The following MIA2 variants were observed in gnomAD, a reference collection of about 807,000 sequenced individuals.
MIA2 encodes the protein melanoma inhibitory activity protein 2.
Under a neutral mutation model 167.8 loss-of-function variants are expected in MIA2, and 127 were observed. The ratio of observed to expected loss-of-function variants is 0.76; its 90% CI spans 0.66 to 0.88. The LOEUF (loss-of-function observed/expected upper bound fraction) is 0.88, where lower values mean the gene tolerates loss of function less well. Among genes scored for constraint, MIA2 ranks in the 40% least tolerant of loss-of-function variants. MIA2 has a pLI of 0.00. For missense variants in MIA2, 1,690 were observed against 1,624.7 expected (o/e 1.04, Z -0.69); for synonymous variants, 552 against 541.9 (o/e 1.02, Z -0.26).
At chr14:39,255,191 T>A (rs1249035540) in intron 6 of MIA2, among the ~76,000 whole-genome samples, 1 of 152,182 alleles carries the variant, frequency 6.6e-6, no homozygotes, top group Admixed American at 6.6e-5. Context: ...GTGTTGAAGA[T>A]GTTGATTATA....
chr14:39,257,973 C>A (rs1478153131), intron 6 of MIA2, among the ~76,000 whole-genome samples: 1 of 152,200 alleles, frequency 6.6e-6, no homozygotes, highest in South Asian at 2.1e-4. Context: ...TGATGGGCTT[C>A]CCTTTGTAGG....
chr14:39,242,582 C>T (rs2054099899), intron 3 of MIA2, among the ~76,000 whole-genome samples: 1 of 151,874 alleles, frequency 6.6e-6, no homozygotes, highest in African/African-American at 2.4e-5. Context: ...CTCGGCCTCC[C>T]AAAGTGCTGG....
chr14:39,376,358 T>C (rs1465828954), intron 23 of MIA2, among the ~76,000 whole-genome samples: 1 of 152,210 alleles, frequency 6.6e-6, no homozygotes, highest in African/African-American at 2.4e-5. Context: ...TGATAAATTA[T>C]TGTGTCATGC....
chr14:39,297,279 A>G (rs1055087419), intron 13 of MIA2, among the ~76,000 whole-genome samples: 1 of 151,458 alleles, frequency 6.6e-6, no homozygotes, highest in Non-Finnish European at 1.5e-5. Flanking sequence ...TTTAGTAGAG[A>G]TGGGGTTTCA....
At chr14:39,304,552 G>A (rs1023600834) in intron 17 of MIA2, among the ~76,000 whole-genome samples, 171 bp downstream of exon 17, 4 of 151,914 alleles carry the variant, frequency 2.6e-5, no homozygotes, top group Non-Finnish European at 2.9e-5. Context: ...TGTTGTCATT[G>A]TTGCTAAAGG....
chr14:39,328,300 A>G (rs1474460213), intron 25 of MIA2, among the ~76,000 whole-genome samples: 2 of 152,036 alleles, frequency 1.3e-5, no homozygotes, highest in Non-Finnish European at 2.9e-5. Context: ...TCCTTCGCCC[A>G]CTTTTTGTTG....
chr14:39,307,549 G>A (rs1171055833), intron 17 of MIA2, among the ~76,000 whole-genome samples: 3 of 151,536 alleles, frequency 2.0e-5, no homozygotes, highest in Non-Finnish European at 4.4e-5. Flanking sequence ...TTGCAGGCAC[G>A]CCCCAGCACG....
chr14:39,241,642 T>C (rs2054044173), intron 3 of MIA2, among the ~76,000 whole-genome samples: 1 of 152,224 alleles, frequency 6.6e-6, no homozygotes, highest in Non-Finnish European at 1.5e-5. Context: ...GAATACTAAG[T>C]AGCCTTCTAA....
intron 4 of MIA2, among the ~76,000 whole-genome samples, chr14:39,249,696 T>C (rs767390049): frequency 6.6e-6 from 1 of 152,220 alleles, no homozygotes; most frequent in Non-Finnish European, 1.5e-5. Flanking sequence ...GTATTTTAAG[T>C]AGAAAACTTT....
chr14:39,322,192 A>C (rs957805368), intron 24 of MIA2, among the ~76,000 whole-genome samples: 3 of 152,214 alleles, frequency 2.0e-5, no homozygotes, highest in East Asian at 1.9e-4. Context: ...GGAAATCAGT[A>C]GTGCTCTTGT....
intron 13 of MIA2, among the ~76,000 whole-genome samples, chr14:39,295,395 C>T (rs897461590): frequency 1.3e-5 from 2 of 152,088 alleles, no homozygotes; most frequent in African/African-American, 4.8e-5. Flanking sequence ...AAGGATGTGA[C>T]ATTTGCCCTC....
intron 14 of MIA2, among the ~76,000 whole-genome samples, chr14:39,300,442 GGATTTTTT>G (rs546160882): frequency 3.1e-3 from 475 of 151,800 alleles, no homozygotes; most frequent in Non-Finnish European, 5.1e-3. Context: ...AAGAATAAAA[GGATTTTTT>G]GATTTTTTAG....
At chr14:39,282,050 T>C (rs1212948651) in intron 9 of MIA2, among the ~76,000 whole-genome samples, 4 of 152,344 alleles carry the variant, frequency 2.6e-5, no homozygotes, top group African/African-American at 9.6e-5. Context: ...CTGGTGCTCA[T>C]TTTTTCTCTT....
Position 39,347,331 on chromosome 14 carries a change from TCTTA to T in MIA2, c.3779-377_3779-374del, listed in dbSNP as rs752600602. Among the ~76,000 whole-genome samples, 14 of 152,218 alleles carry T rather than the reference TCTTA, an allele frequency of 9.2e-5. No individual in the cohort carries two copies. In the East Asian group the frequency reaches 1.7e-3, roughly 19 times the overall value. The stretch of plus-strand genomic sequence containing the variant: ...TAGCTAAATTTCAGTAGCTAGTCTC[TCTTA>T]CTTAATGGAGGAATAAGGACGGAAG... On this transcript the variant is annotated intron_variant, in intron 26 of 28. Transcript: ENST00000640607.
At chr14:39,305,333 G>A (rs10148910) in intron 17 of MIA2, among the ~76,000 whole-genome samples, 6,108 of 151,684 alleles carry the variant, frequency 0.04, 179 homozygotes, top group South Asian at 0.097. Flanking sequence ...TTACTTTCAA[G>A]GAAGCTGTAT....
chr14:39,333,485 G>A (rs1047730232), intron 25 of MIA2, among the ~76,000 whole-genome samples: 5 of 151,462 alleles, frequency 3.3e-5, no homozygotes, highest in South Asian at 2.1e-4. Flanking sequence ...CTACCTTTGC[G>A]GCTTTCTCCT....
chr14:39,349,845 C>T (rs2074147115), intron 28 of MIA2, among the ~76,000 whole-genome samples: 1 of 151,948 alleles, frequency 6.6e-6, no homozygotes, highest in African/African-American at 2.4e-5. Context: ...TGAAATAATT[C>T]CTCTTTTTTA....
intron 23 of MIA2, among the ~76,000 whole-genome samples, chr14:39,379,870 A>G (rs986837433): frequency 4.6e-5 from 7 of 151,966 alleles, no homozygotes; most frequent in Admixed American, 3.3e-4. Context: ...CAAAAACCTT[A>G]AATTACCTTA....
chr14:39,386,851 C>CT, intron 23 of MIA2: 1 of 870,660 alleles, frequency 1.1e-6, no homozygotes, highest in Non-Finnish European at 2.0e-6. Context: ...CTCTCTTCTA[C>CT]TTTAACTCTG....
Sources: gnomAD v4.1 joint callset for allele counts (sites outside exome capture counted in the v4.1 genomes callset) on GRCh38, gnomAD v4.1.1 for gene constraint, MANE v1.5 for transcripts, NCBI Gene and HGNC (gene_info 2026-07-23, HGNC 2026-07-21) for gene names.